Variants in ULK4 observed in about 807,000 individuals in gnomAD.
ULK4 encodes the protein inactive serine/threonine-protein kinase ULK4.
In ULK4, 133 loss-of-function variants were observed where a neutral mutation model predicts 160.6. The observed-to-expected ratio is 0.83, with a 90% CI of 0.72 to 0.96. The LOEUF is 0.96. Ranked by LOEUF, ULK4 falls within the 40% of genes least tolerant of loss-of-function variation. The pLI is 0.00. For synonymous variants in ULK4, 534 were observed against 539.8 expected (o/e 0.99, Z 0.15); for missense variants, 1,580 against 1,499.5 (o/e 1.05, Z -0.89).
intron 17 of ULK4, among the ~76,000 whole-genome samples, chr3:41,850,570 G>C (rs1036916447): frequency 5.3e-5 from 8 of 152,172 alleles, no homozygotes; most frequent in African/African-American, 1.9e-4. Flanking sequence ...CAGTGATGAT[G>C]AGCATTTTTT....
At chr3:41,720,916 T>C (rs2037429635) in intron 22 of ULK4, among the ~76,000 whole-genome samples, 1 of 152,132 alleles carries the variant, frequency 6.6e-6, no homozygotes, top group Non-Finnish European at 1.5e-5. Context: ...ATATGACACA[T>C]ACACATAGTT....
chr3:41,662,817 A>G (rs2035224256), intron 30 of ULK4, among the ~76,000 whole-genome samples: 5 of 152,148 alleles, frequency 3.3e-5, no homozygotes, highest in Admixed American at 3.3e-4. Context: ...TAATCTTTAC[A>G]AAACTAAAAA....
intron 1 of ULK4, among the ~76,000 whole-genome samples, chr3:41,957,431 G>A (rs1700518985): frequency 7.9e-6 from 1 of 126,710 alleles, no homozygotes; most frequent in South Asian, 2.7e-4. Flanking sequence ...CTCCAGCCTG[G>A]GAGACAGAGC....
At chr3:41,562,054 C>A (rs542093105) in intron 32 of ULK4, among the ~76,000 whole-genome samples, 2 of 152,134 alleles carry the variant, frequency 1.3e-5, no homozygotes, top group Admixed American at 6.6e-5. Context: ...GATTCTGGTA[C>A]GTTGTGTCTT....
intron 31 of ULK4, among the ~76,000 whole-genome samples, chr3:41,615,053 T>G (rs2032895337): frequency 6.6e-6 from 1 of 152,192 alleles, no homozygotes; most frequent in South Asian, 2.1e-4. Flanking sequence ...AATTCATAGA[T>G]CTGTATTTGG....
chr3:41,340,224 A>G lies in ULK4; in HGVS notation c.3678+57855T>C, dbSNP rs1013165512. The stretch of plus-strand genomic sequence containing the variant: ...TTCAAATTACTGAAGAGAGAAAAAT[A>G]GTTTTATTTTTGTCCTTTTTTTCCC... On this transcript the variant is annotated intron_variant, in intron 35 of 36. Transcript: ENST00000301831. Among the ~76,000 whole-genome samples the G allele has an allele frequency of 4.6e-5, 7 of 152,380 alleles. No homozygotes were observed. In the East Asian group the frequency reaches 9.6e-4, roughly 21 times the overall value.
chr3:41,463,265 A>G lies in ULK4; in HGVS notation c.3227-12T>C. 1.2e-6 allele frequency: 2 copies of G among 1,604,026 alleles called. No individual in the cohort carries two copies. Among genetic ancestry groups the G allele is most frequent in the Non-Finnish European group, 1.7e-6 (2 of 1,174,666 alleles). On this transcript the variant is annotated splice_polypyrimidine_tract_variant and intron_variant, in intron 32 of 36. Coordinates refer to ENST00000301831, the MANE Select transcript of ULK4 (RefSeq NM_017886.4). ...GTGACTGACAAGTCCTGAGGGTAAA[A>G]AAGGAAAAGAAAAAAACCTCATCAT...
At chr3:41,659,634 T>C (rs1416175993) in intron 30 of ULK4, among the ~76,000 whole-genome samples, 2 of 149,410 alleles carry the variant, frequency 1.3e-5, no homozygotes, top group East Asian at 3.9e-4. Flanking sequence ...TTTGGAGGCA[T>C]AAAATAGTAA....
chr3:41,449,211 C>T (rs930376965), intron 34 of ULK4, among the ~76,000 whole-genome samples: 2 of 150,810 alleles, frequency 1.3e-5, no homozygotes, highest in East Asian at 2.0e-4. Context: ...AGCCACCATG[C>T]CCGGCCCCAA....
At chr3:41,540,378 T>A (rs1246040463) in intron 32 of ULK4, among the ~76,000 whole-genome samples, 2 of 152,234 alleles carry the variant, frequency 1.3e-5, no homozygotes, top group Admixed American at 1.3e-4. Flanking sequence ...CATTCTTTTT[T>A]ATGGCTGCAT....
At chr3:41,802,501 G>A (rs1417152023) in intron 19 of ULK4, among the ~76,000 whole-genome samples, 1 of 152,054 alleles carries the variant, frequency 6.6e-6, no homozygotes, top group South Asian at 2.1e-4. Flanking sequence ...GTCTCACTCT[G>A]TTGCCCAGGC....
At chr3:41,856,135 C>T (rs921590305) in intron 17 of ULK4, among the ~76,000 whole-genome samples, 1 of 152,096 alleles carries the variant, frequency 6.6e-6, no homozygotes, top group Non-Finnish European at 1.5e-5. Flanking sequence ...TTCAGCATCA[C>T]AGCTTAATAT....
At chr3:41,503,181 TTAGAATTATGAG>T (rs2085268488) in intron 32 of ULK4, among the ~76,000 whole-genome samples, 1 of 152,230 alleles carries the variant, frequency 6.6e-6, no homozygotes, top group Non-Finnish European at 1.5e-5. Flanking sequence ...AAGGACTAAG[TTAGAATTATGAG>T]TAGATGTCAA....
chr3:41,335,515 A>T (rs1275266482), intron 35 of ULK4, among the ~76,000 whole-genome samples: 1 of 152,204 alleles, frequency 6.6e-6, no homozygotes, highest in Non-Finnish European at 1.5e-5. Context: ...TAAGAAATGG[A>T]GAAATAGTGA....
chr3:41,346,738 C>G (rs1209946194), intron 35 of ULK4, among the ~76,000 whole-genome samples: 2 of 152,100 alleles, frequency 1.3e-5, no homozygotes, highest in Non-Finnish European at 2.9e-5. Context: ...GAAAATAAGT[C>G]TGAAGTAAAA....
chr3:41,936,390 A>G (rs141621376), intron 3 of ULK4, among the ~76,000 whole-genome samples: 41 of 152,308 alleles, frequency 2.7e-4, no homozygotes, highest in South Asian at 2.3e-3. Flanking sequence ...CGCGCCATTG[A>G]TGAAATAAAA....
intron 21 of ULK4, among the ~76,000 whole-genome samples, chr3:41,760,006 CCCT>C (rs2038934166): frequency 6.6e-6 from 1 of 151,966 alleles, no homozygotes; most frequent in Non-Finnish European, 1.5e-5. Flanking sequence ...AAAATTTCTC[CCCT>C]GTGAAGGACA....
chr3:41,251,923 CT>C (rs1362412321), intron 35 of ULK4, among the ~76,000 whole-genome samples: 2 of 152,150 alleles, frequency 1.3e-5, no homozygotes, highest in African/African-American at 4.8e-5. Context: ...TGTTTATGAA[CT>C]CTTGGCCTCA....
intron 35 of ULK4, among the ~76,000 whole-genome samples, chr3:41,345,966 T>C (rs1244522793): frequency 2.0e-5 from 3 of 151,650 alleles, no homozygotes; most frequent in Non-Finnish European, 2.9e-5. Context: ...ATAACACTGT[T>C]CTAGGTAGAG....
Sources: allele counts gnomAD v4.1 joint callset (sites outside exome capture counted in the v4.1 genomes callset), GRCh38; gene constraint gnomAD v4.1.1; transcripts MANE v1.5; gene names NCBI Gene and HGNC (gene_info 2026-07-23, HGNC 2026-07-21).